The following PDXDC1 variants were observed in gnomAD, a reference collection of about 807,000 sequenced individuals.
The protein encoded by PDXDC1 is pyridoxal-dependent decarboxylase domain-containing protein 1.
In PDXDC1, 42 loss-of-function variants were observed where a neutral mutation model predicts 100.1. That is an observed-to-expected ratio of 0.42 (90% CI 0.33 to 0.54). The LOEUF is 0.54. Among genes scored for constraint, PDXDC1 ranks in the 20% least tolerant of loss-of-function variants. PDXDC1 has a pLI of 0.10. For missense variants in PDXDC1, 636 were observed against 979.2 expected (o/e 0.65, Z 4.68); for synonymous variants, 260 against 371.7 (o/e 0.70, Z 3.46).
At chr16:15,032,668 A>AAAAAAAAAAAAAAAAAT (rs57542228) in intron 17 of PDXDC1, 193 bp from the exon 18 acceptor site, 2 of 380,196 alleles carry the variant, frequency 5.3e-6, no homozygotes, top group Non-Finnish European at 4.6e-6. Flanking sequence ...AAAAAAAAAA[A>AAAAAAAAAAAAAAAAAT]AGGCTTTCCT....
At position 14,996,663 on chromosome 16, in the gene PDXDC1, T is replaced by C. The variant is rs531752446; in HGVS notation, c.22-1090T>C. Among the ~76,000 whole-genome samples, 119 of 152,352 alleles carry C rather than the reference T, an allele frequency of 7.8e-4. No homozygotes were observed. In the Middle Eastern group the frequency reaches 0.017, roughly 22 times the overall value. ...TGAGCTCAGGAGTTTGAGATCAGCC[T>C]GTGCAGCATAATGAGACCTTGTATC... On this transcript the variant is annotated intron_variant, in intron 1 of 22. Coordinates refer to ENST00000396410, the MANE Select transcript of PDXDC1 (RefSeq NM_015027.4).
In PDXDC1 at chr16:15,034,534, A is replaced by C; in HGVS notation, c.1983A>C (p.Arg661Ser). The C allele has an allele frequency of 6.2e-7, 1 of 1,613,766 alleles. No homozygotes were observed. The highest frequency in any genetic ancestry group is 8.5e-7 in the Non-Finnish European group (1 of 1,179,790). The change falls in exon 21 of 23, where the codon AGA becomes AGC. Residue 661 changes from arginine (R) to serine (S), a missense_variant. Physicochemically the swap from Arg to Ser is moderately radical, Grantham distance 110. Around this residue, in one of 4 missense-constraint regions of PDXDC1, gnomAD observed 452 missense variants for 402.9 expected, o/e 1.12. Coordinates refer to ENST00000396410, the MANE Select transcript of PDXDC1 (RefSeq NM_015027.4). The part of the protein sequence containing the change: ...FSPVQALQKG[R>S]TFNLTAGSLE... ...CGGTCCAGGCTTTACAGAAGGGAAG[A>C]ACTTTTAACTTGACAGCAGGTAGGA...
At chr16:15,095,197 G>T (rs184993370) in intron 16 of PDXDC1, among the ~76,000 whole-genome samples, 1 of 152,004 alleles carries the variant, frequency 6.6e-6, no homozygotes, top group South Asian at 2.1e-4. Flanking sequence ...AGCCACTGGC[G>T]TTCCAAGCAT....
At chr16:15,048,191 G>C (rs1466359343) in intron 16 of PDXDC1, 2 of 814,068 alleles carry the variant, frequency 2.5e-6, no homozygotes, top group Non-Finnish European at 4.0e-6. Context: ...GGCTCTGCGT[G>C]GGCAGCACGC....
At chr16:15,041,590 C>A, downstream of PDXDC1, 3 of 1,530,812 alleles carry the variant, frequency 2.0e-6, no homozygotes, top group Non-Finnish European at 2.7e-6. Flanking sequence ...CTGAGACCCA[C>A]ATCTTTGCTT....
intron 8 of PDXDC1, among the ~76,000 whole-genome samples, chr16:15,011,354 A>G (rs1365497067): frequency 1.3e-5 from 2 of 152,294 alleles, no homozygotes; most frequent in African/African-American, 4.8e-5. Context: ...ATCCATATGG[A>G]AAAAAACTGA....
chr16:14,991,529 T>C (rs78220600), intron 1 of PDXDC1, among the ~76,000 whole-genome samples: 1 of 150,524 alleles, frequency 6.6e-6, no homozygotes, highest in Non-Finnish European at 1.5e-5. Flanking sequence ...TTTGTCTATT[T>C]TTTTTTTTTT....
chr16:14,991,265 A>ATGTG (rs759288384), intron 1 of PDXDC1, among the ~76,000 whole-genome samples: 314 of 137,732 alleles, frequency 2.3e-3, no homozygotes, highest in African/African-American at 7.3e-3. Flanking sequence ...ATGTATATAG[A>ATGTG]TATGTGTGTG....
chr16:15,015,855 A>G, intron 8 of PDXDC1: 1 of 658,086 alleles, frequency 1.5e-6, no homozygotes, highest in Non-Finnish European at 2.4e-6. Context: ...TATATTTCTC[A>G]TGAGTCAGCA....
intron 11 of PDXDC1, 133 bp downstream of exon 11, chr16:15,017,555 A>T (rs1445699216): frequency 5.5e-6 from 4 of 731,192 alleles, no homozygotes; most frequent in Non-Finnish European, 9.1e-6. Flanking sequence ...TTTTTTAAAG[A>T]GAAACTTGTG....
At chr16:15,061,823 G>C in intron 16 of PDXDC1, 1 of 1,614,184 alleles carries the variant, frequency 6.2e-7, no homozygotes, top group African/African-American at 1.3e-5. Context: ...CGTGTCAAAG[G>C]AGCTTGGTGT....
At chr16:15,078,715 G>A (rs902377801) in intron 16 of PDXDC1, among the ~76,000 whole-genome samples, 1 of 151,692 alleles carries the variant, frequency 6.6e-6, no homozygotes, top group Non-Finnish European at 1.5e-5. Context: ...CTGCAGCCAC[G>A]ACTGCCTGTG....
chr16:15,019,047 T>A, intron 12 of PDXDC1, 82 bp downstream of exon 12: 1 of 1,593,702 alleles, frequency 6.3e-7, no homozygotes, highest in Non-Finnish European at 8.6e-7. Flanking sequence ...GTACCTTCCA[T>A]CCAGAGTGGT....
Position 15,036,327 on chromosome 16 carries a change from A to G in PDXDC1, c.*52A>G, listed in dbSNP as rs1197394481. 3.3e-6 allele frequency: 5 copies of G among 1,492,602 alleles called. No individual in the cohort carries two copies. The African/African-American group carries it at 4.2e-5, about 13-fold the overall frequency. 92.5% of individuals were successfully genotyped at this position (1,492,602 alleles called of 1,614,324 possible). A position where few individuals can be genotyped will look rare whatever the true frequency, so the allele number is the denominator to read the frequency against. ...CTGAGTATTGTTTCAGGGAAGATGA[A>G]GTTCTATTGGAAATGTGAACTGTGC... On this transcript the variant is annotated 3_prime_UTR_variant, in exon 23 of 23. Transcript: ENST00000396410.
At chr16:15,088,603 GA>G (rs879428384) in intron 16 of PDXDC1, among the ~76,000 whole-genome samples, 228 of 152,148 alleles carry the variant, frequency 1.5e-3, no homozygotes, top group Non-Finnish European at 2.7e-3. Context: ...ATCTGGGAAA[GA>G]AGGCAGGGGT....
intron 16 of PDXDC1, chr16:15,069,957 T>G (rs1161131562): frequency 6.9e-7 from 1 of 1,451,836 alleles, no homozygotes; most frequent in Non-Finnish European, 9.5e-7. Context: ...TGAGTGCACA[T>G]GCAGTTTTCT....
intron 16 of PDXDC1, chr16:15,135,928 G>T: frequency 1.9e-6 from 3 of 1,580,576 alleles, no homozygotes; most frequent in Non-Finnish European, 8.6e-7. Context: ...GCTGAGGCCG[G>T]CTCACGTCCA....
intron 14 of PDXDC1, among the ~76,000 whole-genome samples, chr16:15,028,242 T>G (rs1164999416): frequency 6.6e-6 from 1 of 152,282 alleles, no homozygotes; most frequent in Non-Finnish European, 1.5e-5. Flanking sequence ...CACTCGGCGT[T>G]CCCTCTGTCT....
the PDXDC1 span, among the ~76,000 whole-genome samples, chr16:15,149,350 C>T: frequency 3.3e-5 from 5 of 152,262 alleles, no homozygotes; most frequent in South Asian, 2.1e-4. Context: ...ACGGAGCCCT[C>T]GAGGGTGGCC....
Sources: gnomAD v4.1 joint callset for allele counts (sites outside exome capture counted in the v4.1 genomes callset) on GRCh38, gnomAD v4.1.1 for gene constraint, gnomAD v4.1.1 regional missense constraint, MANE v1.5 for transcripts, NCBI Gene and HGNC (gene_info 2026-07-23, HGNC 2026-07-21) for gene names.